Variants in CAMK1D observed in about 807,000 individuals in gnomAD.
CAMK1D encodes the protein calcium/calmodulin-dependent protein kinase type 1D.
A neutral mutation model predicts 47.7 loss-of-function variants in CAMK1D; 9 were observed. The ratio of observed to expected loss-of-function variants is 0.19; its 90% confidence interval spans 0.11 to 0.33. CAMK1D has a LOEUF of 0.33. CAMK1D is among the 10% of genes least tolerant of loss of function. The pLI is 1.00. For missense variants in CAMK1D, 291 were observed against 488.7 expected (o/e 0.60, Z 3.81); for synonymous variants, 184 against 184.9 (o/e 0.99, Z 0.04).
intron 3 of CAMK1D, among the ~76,000 whole-genome samples, chr10:12,727,634 A>G (rs967836578): frequency 3.3e-5 from 5 of 152,226 alleles, no homozygotes; most frequent in African/African-American, 1.2e-4. Flanking sequence ...CACAACTGCC[A>G]GCATCAACGC....
At chr10:12,623,293 T>C (rs1166852917) in intron 2 of CAMK1D, among the ~76,000 whole-genome samples, 1 of 5,812 alleles carries the variant, frequency 1.7e-4, no homozygotes, top group African/African-American at 3.4e-4. Flanking sequence ...TCCTCCCTCC[T>C]TTCTTTCCTT....
At chr10:12,776,960 C>G (rs1211306777) in intron 5 of CAMK1D, among the ~76,000 whole-genome samples, 1 of 152,202 alleles carries the variant, frequency 6.6e-6, no homozygotes, top group Non-Finnish European at 1.5e-5. Context: ...TTTGGTCACT[C>G]TATGCATGTC....
intron 2 of CAMK1D, among the ~76,000 whole-genome samples, chr10:12,599,739 G>A (rs1021103966): frequency 2.6e-5 from 4 of 152,140 alleles, no homozygotes; most frequent in Non-Finnish European, 4.4e-5. Flanking sequence ...ATAGTGCATC[G>A]GTATTCACAA....
At chr10:12,580,199 G>A (rs1837619175) in intron 2 of CAMK1D, among the ~76,000 whole-genome samples, 1 of 152,254 alleles carries the variant, frequency 6.6e-6, no homozygotes, top group South Asian at 2.1e-4. Context: ...GATCTGTCCT[G>A]TCTTGAGATA....
intron 1 of CAMK1D, among the ~76,000 whole-genome samples, chr10:12,449,252 A>G (rs1833010312): frequency 6.6e-6 from 1 of 152,054 alleles, no homozygotes; most frequent in Non-Finnish European, 1.5e-5. Context: ...CATTGGGAGC[A>G]CGTAGAACCT....
At chr10:12,663,098 T>TGATCAGC (rs1554805993) in intron 2 of CAMK1D, among the ~76,000 whole-genome samples, 22 of 152,278 alleles carry the variant, frequency 1.4e-4, no homozygotes, top group East Asian at 9.7e-4. Flanking sequence ...GTAGCTGGGA[T>TGATCAGC]TACAGGCACA....
At chr10:12,798,616 A>G (rs528472332) in intron 6 of CAMK1D, among the ~76,000 whole-genome samples, 1 of 152,326 alleles carries the variant, frequency 6.6e-6, no homozygotes, top group South Asian at 2.1e-4. Context: ...TCTGTCTTCA[A>G]TATCTGCCTA....
chr10:12,398,584 G>A (rs1564314191), intron 1 of CAMK1D, among the ~76,000 whole-genome samples: 1 of 152,088 alleles, frequency 6.6e-6, no homozygotes, highest in Non-Finnish European at 1.5e-5. Context: ...CCTGACCTCA[G>A]GTGATCCGCC....
At chr10:12,473,694 C>T (rs974092064) in intron 1 of CAMK1D, among the ~76,000 whole-genome samples, 1 of 152,160 alleles carries the variant, frequency 6.6e-6, no homozygotes, top group Non-Finnish European at 1.5e-5. Context: ...GCGGAGTCGG[C>T]TCTCCCAACC....
intron 1 of CAMK1D, among the ~76,000 whole-genome samples, chr10:12,423,146 A>G (rs1291655670): frequency 6.6e-6 from 1 of 152,134 alleles, no homozygotes; most frequent in East Asian, 1.9e-4. Context: ...TTCTTCTAGG[A>G]CTTGGGCAAT....
intron 5 of CAMK1D, among the ~76,000 whole-genome samples, chr10:12,777,406 C>A (rs1329902338): frequency 1.1e-5 from 1 of 94,610 alleles, no homozygotes; most frequent in African/African-American, 4.1e-5. Flanking sequence ...GAGTTTTGCT[C>A]TTGTTGCCCA....
intron 1 of CAMK1D, among the ~76,000 whole-genome samples, chr10:12,427,700 G>GTTTTTTGTTT (rs1840284197): frequency 9.7e-5 from 3 of 31,028 alleles, no homozygotes; most frequent in Non-Finnish European, 1.9e-4. Flanking sequence ...TGAACTTACT[G>GTTTTTTGTTT]TTTTTTTTTT....
rs554193428 is a variant in CAMK1D at position 12,402,457 on chromosome 10, C to T, written c.92+52547C>T. Among the ~76,000 whole-genome samples, 3 of 152,308 alleles carry T rather than the reference C, an allele frequency of 2.0e-5. No individual in the cohort carries two copies. The South Asian group carries it at 6.2e-4, about 32-fold the overall frequency. ...ATGTTACTCGGGCTAGTCTCAAACT[C>T]CTGCTCTCAAGTGACCCGCCTGCCT... On this transcript the variant is annotated intron_variant, in intron 1 of 10. Transcript: ENST00000619168.
At chr10:12,446,137 G>A (rs10795956) in intron 1 of CAMK1D, among the ~76,000 whole-genome samples, 47,240 of 151,982 alleles carry the variant, frequency 0.31, 7,848 homozygotes, top group Admixed American at 0.4. Flanking sequence ...CCAAGAGATG[G>A]TTCTTGGGTC....
chr10:12,662,000 A>T (rs938526691), intron 2 of CAMK1D, among the ~76,000 whole-genome samples: 1 of 152,182 alleles, frequency 6.6e-6, no homozygotes, highest in Non-Finnish European at 1.5e-5. Flanking sequence ...TATGGATGGG[A>T]TGGTAAAACA....
chr10:12,493,571 G>C (rs1834452066), intron 1 of CAMK1D, among the ~76,000 whole-genome samples: 1 of 152,052 alleles, frequency 6.6e-6, no homozygotes, highest in Non-Finnish European at 1.5e-5. Flanking sequence ...TCAGCTTACT[G>C]TGACCTCCAC....
At chr10:12,507,233 A>G (rs1015222025) in intron 1 of CAMK1D, among the ~76,000 whole-genome samples, 3 of 152,206 alleles carry the variant, frequency 2.0e-5, no homozygotes, top group Non-Finnish European at 4.4e-5. Context: ...AAGCTAATAC[A>G]CGGAGTGGAG....
chr10:12,789,232 G>C (rs1029592346), intron 5 of CAMK1D, among the ~76,000 whole-genome samples: 3 of 152,052 alleles, frequency 2.0e-5, no homozygotes, highest in Non-Finnish European at 2.9e-5. Context: ...TTGTTTTTTA[G>C]CTCATCAGCT....
At chr10:12,449,361 C>T (rs1833014649) in intron 1 of CAMK1D, among the ~76,000 whole-genome samples, 2 of 151,950 alleles carry the variant, frequency 1.3e-5, no homozygotes, top group Admixed American at 1.3e-4. Flanking sequence ...TGAAAACAGC[C>T]TTGGCAGGAA....
Sources: gnomAD v4.1 joint callset for allele counts (sites outside exome capture counted in the v4.1 genomes callset) on GRCh38, gnomAD v4.1.1 for gene constraint, MANE v1.5 for transcripts, NCBI Gene and HGNC (gene_info 2026-07-23, HGNC 2026-07-21) for gene names.